Variants in SCN1A observed in about 807,000 individuals in gnomAD.
SCN1A encodes sodium voltage-gated channel alpha subunit 1.
A neutral mutation model predicts 193.7 loss-of-function variants in SCN1A; 13 were observed. The observed-to-expected ratio is 0.07, with a 90% CI of 0.04 to 0.11. The LOEUF (loss-of-function observed/expected upper bound fraction) is 0.11. Among genes scored for constraint, SCN1A ranks in the 10% least tolerant of loss-of-function variants. SCN1A has a pLI of 1.00. For missense variants in SCN1A, 1,432 were observed against 2,451.1 expected, an observed-to-expected ratio of 0.58 and a Z score of 8.78; for synonymous variants, 781 against 843.6, an observed-to-expected ratio of 0.93 and a Z score of 1.29.
At chr2:166,079,407 T>C (rs1407226785) in intron 2 of SCN1A, among the ~76,000 whole-genome samples, 2 of 148,364 alleles carry the variant, frequency 1.3e-5, no homozygotes, top group African/African-American at 5.0e-5. Flanking sequence ...TAGCATATAA[T>C]GACTTTAATT....
chr2:166,109,427 TATC>T (rs1559347519), intron 2 of SCN1A: 1 of 152,208 alleles, frequency 6.6e-6, no homozygotes, highest in Non-Finnish European at 1.5e-5. Context: ...GGTGTGGTCT[TATC>T]ATAAGAAGTA....
chr2:166,055,207 C>T (rs1248048779), intron 6 of SCN1A, among the ~76,000 whole-genome samples: 2 of 148,068 alleles, frequency 1.4e-5, no homozygotes, highest in East Asian at 4.0e-4. Flanking sequence ...TTTTTTTCTA[C>T]AAGATAATTT....
At chr2:166,106,527 T>TGC (rs1688713153) in intron 2 of SCN1A, among the ~76,000 whole-genome samples, 1 of 151,688 alleles carries the variant, frequency 6.6e-6, no homozygotes, top group South Asian at 2.1e-4. Context: ...AGGGCACAGG[T>TGC]GAGCTAAGGT....
chr2:166,101,534 T>C (rs1574497595), intron 2 of SCN1A, among the ~76,000 whole-genome samples: 1 of 145,620 alleles, frequency 6.9e-6, no homozygotes, highest in Admixed American at 6.8e-5. Flanking sequence ...AACAGACACA[T>C]AGACCAATGA....
intron 2 of SCN1A, among the ~76,000 whole-genome samples, chr2:166,100,583 A>G (rs1420687456): frequency 2.0e-5 from 3 of 150,608 alleles, no homozygotes; most frequent in African/African-American, 7.3e-5. Context: ...GCAACCTACA[A>G]AATGGGAGAA....
At chr2:166,041,155 A>G (rs567413731) in intron 16 of SCN1A, 76 bp downstream of exon 16, 41 of 1,072,436 alleles carry the variant, frequency 3.8e-5, no homozygotes, top group Middle Eastern at 2.9e-4. Flanking sequence ...AAAGACTGCT[A>G]TACACAATTA....
intron 2 of SCN1A, among the ~76,000 whole-genome samples, chr2:166,114,863 G>A (rs1689674278): frequency 6.6e-6 from 1 of 152,108 alleles, no homozygotes; most frequent in African/African-American, 2.4e-5. Flanking sequence ...AACAGGAAGA[G>A]AAATGGTTTA....
Position 166,010,589 on chromosome 2 carries a change from C to G in SCN1A, c.3880-748G>C, listed in dbSNP as rs76989094. On this transcript the variant is annotated intron_variant, in intron 22 of 28. Coordinates refer to ENST00000674923, the MANE Select transcript of SCN1A (RefSeq NM_001165963.4). ...AAGGAAAAATCTTACGTATCTAATT[C>G]TCTAAATAAGGAATTTACTAAAACT... Among the ~76,000 whole-genome samples, 806 of 151,228 alleles carry G rather than the reference C, an allele frequency of 5.3e-3. 5 individuals are homozygous for G. Among genetic ancestry groups the G allele is most frequent in the East Asian group, 0.013 (65 of 5,144 alleles).
At chr2:166,130,509 C>T (rs1012456314), upstream of SCN1A, among the ~76,000 whole-genome samples, 8 of 152,166 alleles carry the variant, frequency 5.3e-5, no homozygotes, top group Non-Finnish European at 1.0e-4. Context: ...ATAGCAAATT[C>T]GGCGGATATT....
rs183140444 is a variant in SCN1A, at chr2:166,082,668, C to T, written c.-141-4867G>A. 2.6e-4 allele frequency among the ~76,000 whole-genome samples: 39 copies of T among 152,032 alleles called. 2 individuals carry two copies. In the East Asian group the frequency reaches 7.3e-3, roughly 29 times the overall value. ...CCACCGTCAATTTATGTTTTACTTC[C>T]GTTATGTTTTATGTATTGCTAAACT... On this transcript the variant is annotated intron_variant, in intron 2 of 28. Transcript: ENST00000674923.
chr2:165,994,071 A>T, intron 28 of SCN1A, 75 bp downstream of exon 28: 1 of 1,146,990 alleles, frequency 8.7e-7, no homozygotes, highest in East Asian at 2.6e-5. Context: ...TGCTGGGATG[A>T]TCTTGAATCT....
chr2:165,986,525 A>T lies in SCN1A; in HGVS notation c.*4720T>A, dbSNP rs1688618580. ...AACAAGGAATGTAATCATTTCTGTG[A>T]CTTTTCAGGAAGATTACTGCTAGGA... is the stretch of plus-strand genomic sequence containing the variant. On this transcript the variant is annotated 3_prime_UTR_variant, in exon 29 of 29. Transcript: ENST00000674923. 1 of 152,120 alleles carries T rather than the reference A, an allele frequency of 6.6e-6. No individual in the cohort carries two copies. The highest frequency in any genetic ancestry group is 2.1e-4 in the South Asian group (1 of 4,834). 9.4% of individuals were successfully genotyped at this position (152,120 alleles called of 1,614,324 possible). A position where few individuals can be genotyped will look rare whatever the true frequency, so the allele number is the denominator to read the frequency against.
At chr2:166,063,727 C>A (rs981342164) in intron 4 of SCN1A, among the ~76,000 whole-genome samples, 18 of 151,954 alleles carry the variant, frequency 1.2e-4, no homozygotes, top group African/African-American at 3.6e-4. Context: ...AAAAACAAAG[C>A]AGGTGAAATT....
intron 19 of SCN1A, 108 bp downstream of exon 19, chr2:166,035,934 TAAAAAA>T (rs34673057): frequency 5.6e-6 from 6 of 1,069,806 alleles, no homozygotes; most frequent in African/African-American, 4.8e-5. Context: ...TATCATAAAG[TAAAAAA>T]AAAAAAAAAT....
intron 6 of SCN1A, among the ~76,000 whole-genome samples, chr2:166,056,204 G>A (rs768958521): frequency 6.6e-6 from 1 of 152,024 alleles, no homozygotes; most frequent in South Asian, 2.1e-4. Context: ...TGGTCTTCAG[G>A]TGAACACCAG....
chr2:166,063,317 A>G (rs1683513661), intron 4 of SCN1A, among the ~76,000 whole-genome samples: 1 of 152,130 alleles, frequency 6.6e-6, no homozygotes, highest in African/African-American at 2.4e-5. Context: ...GGAATGTAAC[A>G]TTCATACAAT....
chr2:166,139,010 C>T (rs536966341), intron 1 of SCN1A, among the ~76,000 whole-genome samples: 2 of 152,300 alleles, frequency 1.3e-5, no homozygotes, highest in African/African-American at 4.8e-5. Flanking sequence ...CAGACTTGCA[C>T]AGGGTCTGTA....
intron 7 of SCN1A, 23 bp downstream of exon 7, chr2:166,054,615 A>G (rs754819815): frequency 6.3e-5 from 101 of 1,610,948 alleles, no homozygotes; most frequent in Non-Finnish European, 8.3e-5. Context: ...GTTCTCTCTT[A>G]AAGTTTCAAA....
Position 166,001,205 on chromosome 2 carries a change from C to T in SCN1A, c.4284+1267G>A, listed in dbSNP as rs192310744. Among the ~76,000 whole-genome samples the T allele has an allele frequency of 1.5e-3, 235 of 151,730 alleles. 2 individuals are homozygous for T. The Middle Eastern group carries it at 0.017, about 11-fold the overall frequency. ...GTCTCACTATGTTGCCTCCACTGGT[C>T]TAGATCTCCTGGCCTCAAGCAATCC... is the stretch of plus-strand genomic sequence containing the variant. On this transcript the variant is annotated intron_variant, in intron 24 of 28. Coordinates refer to ENST00000674923, the MANE Select transcript of SCN1A (RefSeq NM_001165963.4).
Sources: gnomAD v4.1 joint callset for allele counts (sites outside exome capture counted in the v4.1 genomes callset) on GRCh38, gnomAD v4.1.1 for gene constraint, MANE v1.5 for transcripts, NCBI Gene and HGNC (gene_info 2026-07-23, HGNC 2026-07-21) for gene names.